SYT16: variants seen among roughly 807,000 people sequenced by gnomAD.
SYT16 encodes synaptotagmin 16.
Under a neutral mutation model 61.4 loss-of-function variants are expected in SYT16, and 42 were observed. The observed-to-expected ratio is 0.68, with a 90% CI of 0.53 to 0.89. The LOEUF (loss-of-function observed/expected upper bound fraction) is 0.89, where lower values mean the gene tolerates loss of function less well. Ranked by LOEUF, SYT16 falls within the 40% of genes least tolerant of loss-of-function variation. The pLI, the probability that SYT16 is intolerant of heterozygous loss-of-function variation, is 0.00. For missense variants in SYT16, 804 were observed against 807.3 expected, an observed-to-expected ratio of 1.00 and a Z score of 0.05; for synonymous variants, 314 against 302.3, an observed-to-expected ratio of 1.04 and a Z score of -0.40.
chr14:62,064,140 A>G (rs548535229), intron 3 of SYT16, among the ~76,000 whole-genome samples: 28 of 152,224 alleles, frequency 1.8e-4, no homozygotes, highest in Middle Eastern at 3.4e-3. Context: ...AGGGATTTGA[A>G]CTTGGTATTT....
chr14:61,816,650 C>A (rs12886461), intron 1 of SYT16, among the ~76,000 whole-genome samples: 1 of 152,066 alleles, frequency 6.6e-6, no homozygotes, highest in African/African-American at 2.4e-5. Context: ...TAAAGAATTT[C>A]CCCCAGGACA....
chr14:61,866,263 A>G (rs906424545), intron 1 of SYT16, among the ~76,000 whole-genome samples: 3 of 152,158 alleles, frequency 2.0e-5, no homozygotes, highest in Non-Finnish European at 2.9e-5. Context: ...GTTATATGGT[A>G]GATGGGTACA....
intron 3 of SYT16, among the ~76,000 whole-genome samples, chr14:62,050,458 T>G (rs2140885879): frequency 6.6e-6 from 1 of 152,328 alleles, no homozygotes; most frequent in African/African-American, 2.4e-5. Flanking sequence ...TTCTGAAGAC[T>G]TCTTCTCTCA....
At chr14:62,015,922 C>T (rs1310793540) in intron 3 of SYT16, among the ~76,000 whole-genome samples, 1 of 152,222 alleles carries the variant, frequency 6.6e-6, no homozygotes, top group Non-Finnish European at 1.5e-5. Context: ...TCAGCCTTCA[C>T]TCTTAGTCCT....
intron 7 of SYT16, among the ~76,000 whole-genome samples, chr14:62,095,886 T>C (rs2057258348): frequency 1.3e-5 from 2 of 152,150 alleles, no homozygotes; most frequent in South Asian, 4.1e-4. Flanking sequence ...GGATTATCCC[T>C]AGCAGATATC....
intron 1 of SYT16, among the ~76,000 whole-genome samples, chr14:61,921,756 A>T (rs1037991966): frequency 6.6e-5 from 10 of 152,162 alleles, no homozygotes; most frequent in Admixed American, 6.5e-4. Flanking sequence ...CACATGGAGA[A>T]CCCAGCAAGA....
At chr14:62,075,436 T>C in intron 5 of SYT16, 45 bp downstream of exon 5, 1 of 1,534,182 alleles carries the variant, frequency 6.5e-7, no homozygotes, top group Non-Finnish European at 8.8e-7. Flanking sequence ...CCTTTCCCCT[T>C]CCCCTCTTTC....
chr14:61,899,714 T>C (rs945339500), intron 1 of SYT16, among the ~76,000 whole-genome samples: 3 of 152,208 alleles, frequency 2.0e-5, no homozygotes, highest in African/African-American at 7.2e-5. Flanking sequence ...GGCCTGTTGG[T>C]TGGAAACTGA....
In SYT16 at chr14:62,084,378, A is replaced by C; in HGVS notation, c.1617A>C (p.Arg539=). ...GSHFRNLAVN[R]APDTYGKLFL... is the part of the protein sequence containing the mutation. The stretch of plus-strand genomic sequence containing the variant: ...ATTTCCGAAACCTCGCTGTTAACCG[A>C]GCACCTGGTAAGTGTGAGTCTGTTC... The change falls in exon 7 of 8, where the codon CGA becomes CGC. Residue 539 remains arginine (R), a synonymous_variant. Coordinates refer to ENST00000683842, the MANE Select transcript of SYT16 (RefSeq NM_001367656.1). The C allele has an allele frequency of 6.2e-7, 1 of 1,611,778 alleles. No homozygotes were observed. The highest frequency in any genetic ancestry group is 8.5e-7 in the Non-Finnish European group (1 of 1,179,604).
At chr14:62,097,146 T>C (rs1439956643) in intron 7 of SYT16, among the ~76,000 whole-genome samples, 1 of 152,176 alleles carries the variant, frequency 6.6e-6, no homozygotes, top group Admixed American at 6.6e-5. Flanking sequence ...GACATACTTT[T>C]GTGCCATAAT....
At position 61,995,867 on chromosome 14, in the gene SYT16, C is replaced by A; in HGVS notation, c.-144-9C>A. 1.4e-6 allele frequency: 1 copy of A among 730,378 alleles called. No individual in the cohort carries two copies. The highest frequency in any genetic ancestry group is 2.1e-6 in the Non-Finnish European group (1 of 471,636). 45.2% of individuals were successfully genotyped at this position (730,378 alleles called of 1,614,324 possible). ...TAACAGGTGTAAGTATTTCTTTCCT[C>A]TGTTTCAGCTGGAAGTTTTGAGAGT... is the stretch of plus-strand genomic sequence containing the variant. On this transcript the variant is annotated splice_polypyrimidine_tract_variant and intron_variant, in intron 2 of 7. Coordinates refer to ENST00000683842, the MANE Select transcript of SYT16 (RefSeq NM_001367656.1).
Position 61,996,149 on chromosome 14 carries a change from A to C in SYT16, c.130A>C (p.Lys44Gln), listed in dbSNP as rs1344256440. 1 of 1,613,440 alleles carries C rather than the reference A, an allele frequency of 6.2e-7. No individual in the cohort carries two copies. Among genetic ancestry groups the C allele is most frequent in the Admixed American group, 1.7e-5 (1 of 59,928 alleles). Residue 44 changes from lysine (K) to glutamine (Q), a missense_variant, in exon 3 of 8, where the codon AAA becomes CAA. Transcript: ENST00000683842. Reference sequence around the variant, plus strand: ...ATCTGCTTCGCTGGTTAACATAAGCAAACAAGACTCTAAATTGAGTGACAA... The same window carrying C: ...ATCTGCTTCGCTGGTTAACATAAGCCAACAAGACTCTAAATTGAGTGACAA... Reference protein sequence around the residue: ...MLSASLVNISKQDSKLSDKLD... With the variant: ...MLSASLVNISQQDSKLSDKLD...
intron 1 of SYT16, among the ~76,000 whole-genome samples, chr14:61,820,469 G>GGTTTTTT (rs2045578027): frequency 3.3e-5 from 2 of 61,082 alleles, no homozygotes; most frequent in African/African-American, 1.4e-4. Flanking sequence ...CCTCTTCAGA[G>GGTTTTTT]TTTTTTTTTT....
intron 1 of SYT16, among the ~76,000 whole-genome samples, chr14:61,913,900 A>G (rs985682228): frequency 6.6e-6 from 1 of 152,164 alleles, no homozygotes; most frequent in Admixed American, 6.6e-5. Flanking sequence ...TGCAGTGCAA[A>G]GGAAAATAAT....
At chr14:61,983,748 G>C (rs923515805) in intron 2 of SYT16, among the ~76,000 whole-genome samples, 3 of 152,048 alleles carry the variant, frequency 2.0e-5, no homozygotes, top group African/African-American at 4.8e-5. Context: ...GGCTGGTCTC[G>C]AATTCCTGGC....
intron 3 of SYT16, among the ~76,000 whole-genome samples, chr14:62,043,115 T>A (rs1238381459): frequency 2.7e-5 from 4 of 148,110 alleles, no homozygotes; most frequent in East Asian, 3.9e-4. Flanking sequence ...TTTTTTTTTT[T>A]ACATAGAAAG....
At chr14:61,912,429 G>T (rs1217728874) in intron 1 of SYT16, among the ~76,000 whole-genome samples, 1 of 152,168 alleles carries the variant, frequency 6.6e-6, no homozygotes, top group Non-Finnish European at 1.5e-5. Flanking sequence ...GAGTCAATTT[G>T]TATTATCCTA....
In SYT16 at chr14:61,865,055, A is replaced by G; in HGVS notation, c.-325+52245A>G. On this transcript the variant is annotated intron_variant, in intron 1 of 7. Transcript: ENST00000683842. ...CTGCTGTATTCGGCTGCGGAGCTGC[A>G]GGCTCGACTGTGCAGCTTGCGGGAA... The G allele has an allele frequency of 2.8e-6, 4 of 1,405,296 alleles. No homozygotes were observed. In the East Asian group the frequency reaches 6.9e-5, roughly 24 times the overall value. 87.1% of individuals were successfully genotyped at this position (1,405,296 alleles called of 1,614,324 possible). A position where few individuals can be genotyped will look rare whatever the true frequency, so the allele number is the denominator to read the frequency against.
At position 62,109,682 on chromosome 14, in the gene SYT16, G is replaced by A. The variant is rs1455187399; in HGVS notation, c.*8975G>A. ...AGAAAGTTCTGAAGGTTATGAAGAC[G>A]TGATCCCAAATTTAGTGACTCTGTA... On this transcript the variant is annotated 3_prime_UTR_variant, in exon 8 of 8. Transcript: ENST00000683842. 8 of 152,080 alleles carry A rather than the reference G, an allele frequency of 5.3e-5. No homozygotes were observed. The East Asian group carries it at 7.7e-4, about 15-fold the overall frequency. 9.4% of individuals were successfully genotyped at this position (152,080 alleles called of 1,614,324 possible). A position where few individuals can be genotyped will look rare whatever the true frequency, so the allele number is the denominator to read the frequency against.
Sources: allele counts gnomAD v4.1 joint callset (sites outside exome capture counted in the v4.1 genomes callset), GRCh38; gene constraint gnomAD v4.1.1; transcripts MANE v1.5; gene names NCBI Gene and HGNC (gene_info 2026-07-23, HGNC 2026-07-21).